ARHGAP10: variants seen among roughly 807,000 people sequenced by gnomAD.
The protein encoded by ARHGAP10 is Rho GTPase activating protein 10.
In ARHGAP10, 87 loss-of-function variants were observed where a neutral mutation model predicts 108.6. That is an observed-to-expected ratio of 0.80 (90% CI 0.67 to 0.96). The LOEUF (loss-of-function observed/expected upper bound fraction) is 0.96. ARHGAP10 is among the 40% of genes least tolerant of loss of function. ARHGAP10 has a pLI of 0.00. For synonymous variants in ARHGAP10, 347 were observed against 341.1 expected, an observed-to-expected ratio of 1.02 and a Z score of -0.19; for missense variants, 939 against 954.5, an observed-to-expected ratio of 0.98 and a Z score of 0.21.
At chr4:148,005,253 T>G (rs1453571690) in intron 18 of ARHGAP10, among the ~76,000 whole-genome samples, 2 of 152,188 alleles carry the variant, frequency 1.3e-5, no homozygotes, top group Admixed American at 6.5e-5. Context: ...AATATTTAAG[T>G]GTGGAACCGT....
intron 13 of ARHGAP10, 42 bp from the exon 14 acceptor site, chr4:147,939,783 T>C (rs763822429): frequency 2.0e-6 from 3 of 1,528,176 alleles, no homozygotes; most frequent in Middle Eastern, 1.7e-4. Flanking sequence ...TTTTAAAATA[T>C]GATAGTCTTC....
chr4:147,738,019 G>GT (rs1194373271), intron 1 of ARHGAP10, among the ~76,000 whole-genome samples: 4,359 of 135,724 alleles, frequency 0.032, 86 homozygotes, highest in African/African-American at 0.061. Context: ...TGTTGTTGTT[G>GT]TTTTTTTTTT....
chr4:147,899,216 A>G (rs564945671), intron 10 of ARHGAP10, among the ~76,000 whole-genome samples: 16 of 152,014 alleles, frequency 1.1e-4, no homozygotes, highest in Non-Finnish European at 1.9e-4. Flanking sequence ...CCTGTGTTCT[A>G]CCTTTAAAAT....
chr4:147,944,534 C>A (rs1287753559), intron 14 of ARHGAP10, among the ~76,000 whole-genome samples: 1 of 152,164 alleles, frequency 6.6e-6, no homozygotes, highest in African/African-American at 2.4e-5. Flanking sequence ...CTTCATCATC[C>A]CAAGCCTAAA....
chr4:148,030,883 C>A (rs547716343), intron 19 of ARHGAP10, among the ~76,000 whole-genome samples: 8 of 151,780 alleles, frequency 5.3e-5, no homozygotes, highest in South Asian at 2.1e-4. Flanking sequence ...AAAAAAAAAA[C>A]CATTTAAGCC....
At chr4:147,777,454 G>T (rs1730347052) in intron 1 of ARHGAP10, among the ~76,000 whole-genome samples, 1 of 151,852 alleles carries the variant, frequency 6.6e-6, no homozygotes, top group African/African-American at 2.4e-5. Context: ...GTAGAGATGG[G>T]GTTTCACTGT....
chr4:147,909,803 TG>T (rs754087610), intron 12 of ARHGAP10, 26 bp downstream of exon 12: 1 of 1,589,240 alleles, frequency 6.3e-7, no homozygotes, highest in South Asian at 1.1e-5. Context: ...TAAAAATGAT[TG>T]TATCCTCCTT....
intron 15 of ARHGAP10, among the ~76,000 whole-genome samples, chr4:147,950,461 C>T (rs886745856): frequency 3.9e-5 from 6 of 152,212 alleles, no homozygotes; most frequent in Admixed American, 3.3e-4. Flanking sequence ...CTCATGGCAC[C>T]ATGGCGTGAA....
chr4:147,763,846 C>G (rs1729687884), intron 1 of ARHGAP10, among the ~76,000 whole-genome samples: 1 of 148,836 alleles, frequency 6.7e-6, no homozygotes, highest in South Asian at 2.1e-4. Context: ...CCTCAACTTT[C>G]TGGGCTCAGG....
At chr4:147,976,154 A>G (rs1157696365) in intron 18 of ARHGAP10, among the ~76,000 whole-genome samples, 1 of 152,160 alleles carries the variant, frequency 6.6e-6, no homozygotes, top group African/African-American at 2.4e-5. Flanking sequence ...TGAGTGAGTA[A>G]TATCCAAACC....
chr4:147,772,732 A>G (rs991801268), intron 1 of ARHGAP10, among the ~76,000 whole-genome samples: 2 of 152,260 alleles, frequency 1.3e-5, no homozygotes, highest in Non-Finnish European at 2.9e-5. Flanking sequence ...ATGTTATTAC[A>G]GAGTTTTTAC....
Position 147,794,854 on chromosome 4 carries a change from A to G in ARHGAP10, c.155-27873A>G, listed in dbSNP as rs542842980. Among the ~76,000 whole-genome samples, 3 of 152,310 alleles carry G rather than the reference A, an allele frequency of 2.0e-5. No individual in the cohort carries two copies. The South Asian group carries it at 6.2e-4, about 32-fold the overall frequency. ...TGTTCTTGTGGTGTTCTATCATGTA[A>G]GTATAGGACAGTGTAACCAGTTCCC... is the stretch of plus-strand genomic sequence containing the variant. On this transcript the variant is annotated intron_variant, in intron 1 of 22. Transcript: ENST00000336498.
At chr4:148,047,687 GT>G (rs779440260) in intron 20 of ARHGAP10, among the ~76,000 whole-genome samples, 3 of 152,234 alleles carry the variant, frequency 2.0e-5, no homozygotes, top group Non-Finnish European at 4.4e-5. Flanking sequence ...TGGTGGTGAT[GT>G]GGAACCCAAA....
At chr4:147,759,193 TA>T in intron 1 of ARHGAP10, among the ~76,000 whole-genome samples, 1 of 152,300 alleles carries the variant, frequency 6.6e-6, no homozygotes. Flanking sequence ...GTTACTTTGT[TA>T]AACTTCCACT....
At chr4:147,816,248 G>T (rs531606574) in intron 1 of ARHGAP10, among the ~76,000 whole-genome samples, 3 of 152,248 alleles carry the variant, frequency 2.0e-5, no homozygotes, top group South Asian at 4.1e-4. Context: ...GTGTGGAGCT[G>T]CCTGTGGGAT....
At chr4:147,997,516 C>A (rs1459710372) in intron 18 of ARHGAP10, among the ~76,000 whole-genome samples, 1 of 152,128 alleles carries the variant, frequency 6.6e-6, no homozygotes, top group Non-Finnish European at 1.5e-5. Flanking sequence ...GTTGATGAAG[C>A]AGTCACAGTG....
chr4:147,786,215 A>C (rs1205801162), intron 1 of ARHGAP10, among the ~76,000 whole-genome samples: 3 of 152,158 alleles, frequency 2.0e-5, no homozygotes, highest in African/African-American at 7.2e-5. Flanking sequence ...AGAGCCTGGA[A>C]GCCTCTCTTA....
In ARHGAP10 at chr4:147,996,283, G is replaced by A. The variant is rs116649031; in HGVS notation, c.1717-26980G>A. The stretch of plus-strand genomic sequence containing the variant: ...TCCAGCAATAAACAGAAAGGCAGTC[G>A]AAAACAAAACATCAAAATGGAAACT... On this transcript the variant is annotated intron_variant, in intron 18 of 22. Coordinates refer to ENST00000336498, the MANE Select transcript of ARHGAP10 (RefSeq NM_024605.4). Among the ~76,000 whole-genome samples, 803 of 152,248 alleles carry A rather than the reference G, an allele frequency of 5.3e-3. 8 individuals are homozygous for A. Among genetic ancestry groups the A allele is most frequent in the African/African-American group, 0.018 (753 of 41,540 alleles).
chr4:147,971,176 T>A (rs767673168), intron 18 of ARHGAP10, among the ~76,000 whole-genome samples: 12 of 152,124 alleles, frequency 7.9e-5, no homozygotes, highest in Admixed American at 2.6e-4. Flanking sequence ...AAAATTTTAT[T>A]TCCCAGGTGG....
Sources: allele counts gnomAD v4.1 joint callset (sites outside exome capture counted in the v4.1 genomes callset), GRCh38; gene constraint gnomAD v4.1.1; transcripts MANE v1.5; gene names NCBI Gene and HGNC (gene_info 2026-07-23, HGNC 2026-07-21).